The following UNC5C variants were observed in gnomAD, a reference collection of about 807,000 sequenced individuals.
UNC5C encodes unc-5 netrin receptor C, also known as netrin receptor UNC5C.
Under a neutral mutation model 99.8 loss-of-function variants are expected in UNC5C, and 47 were observed. The observed-to-expected ratio is 0.47, with a 90% CI of 0.37 to 0.60. UNC5C has a LOEUF of 0.60. UNC5C is among the 20% of genes least tolerant of loss of function. The pLI, the probability that UNC5C is intolerant of heterozygous loss-of-function variation, is 0.00. For synonymous variants in UNC5C, 487 were observed against 452.2 expected, an observed-to-expected ratio of 1.08 and a Z score of -0.98; for missense variants, 1,062 against 1,165.9, an observed-to-expected ratio of 0.91 and a Z score of 1.30.
chr4:95,289,265 T>G (rs1056623743), intron 3 of UNC5C, among the ~76,000 whole-genome samples: 5 of 152,202 alleles, frequency 3.3e-5, no homozygotes, highest in African/African-American at 1.2e-4. Context: ...TGTACTGATA[T>G]TTATTTCTTT....
intron 1 of UNC5C, among the ~76,000 whole-genome samples, chr4:95,357,429 C>A (rs906551587): frequency 2.0e-5 from 3 of 151,970 alleles, no homozygotes; most frequent in African/African-American, 4.8e-5. Context: ...CACCATTGCA[C>A]CTGGCCTTGC....
chr4:95,319,505 C>T (rs913926571), intron 2 of UNC5C, among the ~76,000 whole-genome samples: 1 of 152,110 alleles, frequency 6.6e-6, no homozygotes, highest in Non-Finnish European at 1.5e-5. Flanking sequence ...ACTTTTTTGC[C>T]AGACCCTGAT....
At chr4:95,366,428 G>A (rs1334658238) in intron 1 of UNC5C, among the ~76,000 whole-genome samples, 1 of 152,174 alleles carries the variant, frequency 6.6e-6, no homozygotes, top group Non-Finnish European at 1.5e-5. Context: ...AACTTCTTGA[G>A]GAACTCTAAC....
chr4:95,335,037 C>G (rs2149420787), intron 2 of UNC5C, among the ~76,000 whole-genome samples: 1 of 152,050 alleles, frequency 6.6e-6, no homozygotes, highest in East Asian at 1.9e-4. Flanking sequence ...TTCAATTTAT[C>G]CAAGTTAAAA....
chr4:95,343,227 G>T (rs1743645205), intron 1 of UNC5C, among the ~76,000 whole-genome samples: 1 of 152,082 alleles, frequency 6.6e-6, no homozygotes, highest in South Asian at 2.1e-4. Context: ...GCTGGATTCA[G>T]GTCTGACCCA....
In UNC5C at chr4:95,169,141, C is replaced by G; in HGVS notation, c.*93G>C. On this transcript the variant is annotated 3_prime_UTR_variant, in exon 16 of 16. Coordinates refer to ENST00000453304, the MANE Select transcript of UNC5C (RefSeq NM_003728.4). Reference sequence around the variant, plus strand: ...AGTCTTGCCTGTGAAGTGCATTGGTCTCATCTGGATTTCCTCCTCAGCTGT... The same window carrying G: ...AGTCTTGCCTGTGAAGTGCATTGGTGTCATCTGGATTTCCTCCTCAGCTGT... 2 of 1,519,224 alleles carry G rather than the reference C, an allele frequency of 1.3e-6. No individual in the cohort carries two copies. Among genetic ancestry groups the G allele is most frequent in the Admixed American group, 3.5e-5 (2 of 57,016 alleles). 94.1% of individuals were successfully genotyped at this position (1,519,224 alleles called of 1,614,324 possible).
chr4:95,170,772 C>A (rs929244861), intron 14 of UNC5C, among the ~76,000 whole-genome samples: 2 of 152,184 alleles, frequency 1.3e-5, no homozygotes, highest in African/African-American at 4.8e-5. Context: ...ACAGCCTGAC[C>A]TTGAGGAGAA....
At chr4:95,507,598 C>T (rs981908803) in intron 1 of UNC5C, among the ~76,000 whole-genome samples, 2 of 151,990 alleles carry the variant, frequency 1.3e-5, no homozygotes, top group Admixed American at 1.3e-4. Context: ...CTCAGCTCTT[C>T]CTGTCTCATC....
chr4:95,200,408 T>G (rs1208886369), intron 12 of UNC5C, among the ~76,000 whole-genome samples: 1 of 152,190 alleles, frequency 6.6e-6, no homozygotes, highest in Non-Finnish European at 1.5e-5. Context: ...GCAACTTTGC[T>G]TAGGGGCAGA....
intron 5 of UNC5C, among the ~76,000 whole-genome samples, chr4:95,245,506 T>A (rs1295043096): frequency 6.6e-6 from 1 of 152,186 alleles, no homozygotes; most frequent in Non-Finnish European, 1.5e-5. Flanking sequence ...TACATCTCTA[T>A]GAAAAGCCTG....
intron 14 of UNC5C, among the ~76,000 whole-genome samples, chr4:95,174,239 C>CA (rs1736243632): frequency 6.6e-6 from 1 of 151,810 alleles, no homozygotes; most frequent in Non-Finnish European, 1.5e-5. Context: ...GTCTCTATTT[C>CA]CTTCAGTTCT....
At chr4:95,190,496 A>AT (rs544305981) in intron 12 of UNC5C, among the ~76,000 whole-genome samples, 14 of 150,624 alleles carry the variant, frequency 9.3e-5, no homozygotes, top group African/African-American at 2.2e-4. Context: ...GAATAAAAAA[A>AT]TTTTTTTTTT....
chr4:95,244,759 C>G (rs1739439962), intron 6 of UNC5C, among the ~76,000 whole-genome samples: 1 of 152,150 alleles, frequency 6.6e-6, no homozygotes, highest in South Asian at 2.1e-4. Flanking sequence ...AGTGTTTAAT[C>G]TCCTGTTTTG....
At chr4:95,394,315 C>A (rs1455831921) in intron 1 of UNC5C, among the ~76,000 whole-genome samples, 1 of 151,118 alleles carries the variant, frequency 6.6e-6, no homozygotes, top group Non-Finnish European at 1.5e-5. Context: ...GTGATGAAAT[C>A]TCACGAATGG....
At chr4:95,236,915 C>T (rs534647450) in intron 7 of UNC5C, among the ~76,000 whole-genome samples, 1 of 152,196 alleles carries the variant, frequency 6.6e-6, no homozygotes, top group South Asian at 2.1e-4. Context: ...TACAGCTGCT[C>T]CTCAGTATCC....
intron 4 of UNC5C, among the ~76,000 whole-genome samples, chr4:95,264,731 T>C (rs1461169103): frequency 6.6e-6 from 1 of 152,150 alleles, no homozygotes; most frequent in Non-Finnish European, 1.5e-5. Context: ...TGATCCCCAC[T>C]CTACTCAAAC....
chr4:95,539,186 A>T (rs1392076024), intron 1 of UNC5C, among the ~76,000 whole-genome samples: 3 of 152,100 alleles, frequency 2.0e-5, no homozygotes, highest in Non-Finnish European at 4.4e-5. Flanking sequence ...AAAGGATTTT[A>T]CTCCTGCGTG....
Position 95,168,491 on chromosome 4 carries a change from A to G in UNC5C, c.*743T>C, listed in dbSNP as rs1263663925. ...ATTACAAACAAACACACATGTTGTG[A>G]AAAAAATGCTTGTTTGTGGGGTTGA... is the stretch of plus-strand genomic sequence containing the variant. On this transcript the variant is annotated 3_prime_UTR_variant, in exon 16 of 16. Transcript: ENST00000453304. 2 of 152,636 alleles carry G rather than the reference A, an allele frequency of 1.3e-5. No homozygotes were observed. The highest frequency in any genetic ancestry group is 6.5e-5 in the Admixed American group (1 of 15,284). The allele number at this position is 152,636 out of a possible 1,614,324, so 9.5% of individuals were successfully genotyped here.
chr4:95,530,089 A>G (rs558855755), intron 1 of UNC5C, among the ~76,000 whole-genome samples: 1 of 152,274 alleles, frequency 6.6e-6, no homozygotes, highest in Non-Finnish European at 1.5e-5. Flanking sequence ...TTATTTAGCT[A>G]CAGAGATATT....
Sources: gnomAD v4.1 joint callset for allele counts (sites outside exome capture counted in the v4.1 genomes callset) on GRCh38, gnomAD v4.1.1 for gene constraint, MANE v1.5 for transcripts, NCBI Gene and HGNC (gene_info 2026-07-23, HGNC 2026-07-21) for gene names.